Variants in RBFOX1 observed in about 807,000 individuals in gnomAD.
RBFOX1 encodes RNA binding fox-1 homolog 1.
RBFOX1 carries 8 observed loss-of-function variants against 57.7 expected under a neutral mutation model. That is an observed-to-expected ratio of 0.14 (90% confidence interval 0.08 to 0.25). The LOEUF is 0.25. Ranked by LOEUF, RBFOX1 falls within the 10% of genes least tolerant of loss-of-function variation. RBFOX1 has a pLI of 1.00. For synonymous variants in RBFOX1, 326 were observed against 222.4 expected (o/e 1.47, Z -4.15); for missense variants, 611 against 548.5 (o/e 1.11, Z -1.14).
At chr16:6,480,990 A>G (rs151188128) in intron 2 of RBFOX1, among the ~76,000 whole-genome samples, 10 of 152,306 alleles carry the variant, frequency 6.6e-5, no homozygotes, top group African/African-American at 2.4e-4. Flanking sequence ...AGCAATAGCA[A>G]TTATATCCAA....
At chr16:7,085,937 G>A (rs1355273498) in intron 4 of RBFOX1, among the ~76,000 whole-genome samples, 1 of 152,114 alleles carries the variant, frequency 6.6e-6, no homozygotes, top group Non-Finnish European at 1.5e-5. Context: ...GTGATTCATG[G>A]GCTCTAAAAT....
intron 4 of RBFOX1, among the ~76,000 whole-genome samples, chr16:7,103,302 A>G (rs1310710568): frequency 6.6e-6 from 1 of 152,168 alleles, no homozygotes; most frequent in Non-Finnish European, 1.5e-5. Flanking sequence ...GTCTCAAGTC[A>G]GTATAGCAAT....
At chr16:6,541,885 A>G (rs1293381614) in intron 2 of RBFOX1, among the ~76,000 whole-genome samples, 3 of 152,142 alleles carry the variant, frequency 2.0e-5, no homozygotes, top group Non-Finnish European at 4.4e-5. Flanking sequence ...AAGAGTTTAC[A>G]TCAGGCTCTG....
At chr16:6,557,021 AT>A (rs2097108826) in intron 2 of RBFOX1, among the ~76,000 whole-genome samples, 1 of 124,952 alleles carries the variant, frequency 8.0e-6, no homozygotes, top group African/African-American at 4.4e-5. Flanking sequence ...ATATACATAT[AT>A]ATACATATAT....
At chr16:6,839,243 C>G (rs868700122) in intron 3 of RBFOX1, among the ~76,000 whole-genome samples, 29 of 152,266 alleles carry the variant, frequency 1.9e-4, no homozygotes, top group African/African-American at 5.1e-4. Flanking sequence ...CCTCAGCCCC[C>G]CAAAGTGCTG....
intron 1 of RBFOX1, among the ~76,000 whole-genome samples, chr16:6,121,561 C>T (rs753581362): frequency 6.6e-6 from 1 of 152,184 alleles, no homozygotes; most frequent in African/African-American, 2.4e-5. Context: ...TGTGTCACTC[C>T]ATTTGCTTGT....
chr16:7,426,292 C>G (rs1021777352), intron 4 of RBFOX1, among the ~76,000 whole-genome samples: 1 of 152,190 alleles, frequency 6.6e-6, no homozygotes, highest in South Asian at 2.1e-4. Context: ...TTAATCCTTA[C>G]TAGCAATTTG....
At chr16:7,629,392 A>C (rs2060579202) in intron 10 of RBFOX1, among the ~76,000 whole-genome samples, 1 of 152,172 alleles carries the variant, frequency 6.6e-6, no homozygotes, top group Non-Finnish European at 1.5e-5. Context: ...AAGGATATAG[A>C]AAAGTTCCCT....
intron 2 of RBFOX1, among the ~76,000 whole-genome samples, chr16:6,654,136 T>A (rs1007957649): frequency 1.3e-5 from 2 of 151,646 alleles, no homozygotes; most frequent in African/African-American, 2.4e-5. Flanking sequence ...AGAGGACCAA[T>A]GAATGAATGG....
At chr16:6,080,957 A>C (rs2095992105) in intron 1 of RBFOX1, among the ~76,000 whole-genome samples, 1 of 152,202 alleles carries the variant, frequency 6.6e-6, no homozygotes, top group African/African-American at 2.4e-5. Context: ...CCACAAATCT[A>C]AATCCTAGTA....
chr16:7,681,169 T>A (rs2074632821), intron 14 of RBFOX1, among the ~76,000 whole-genome samples: 1 of 152,144 alleles, frequency 6.6e-6, no homozygotes, highest in Admixed American at 6.5e-5. Flanking sequence ...TTAAAATTAT[T>A]TAAGTGACAG....
rs146810890 is a variant in RBFOX1, at chr16:7,401,137, G to T, written c.28-117010G>T. 5.3e-5 allele frequency among the ~76,000 whole-genome samples: 8 copies of T among 152,270 alleles called. No homozygotes were observed. The East Asian group carries it at 1.5e-3, about 29-fold the overall frequency. ...TGTAATGGTATTAGAAAATCCAGAA[G>T]ATCTAAGCTGCCTGATGAAGCTATT... On this transcript the variant is annotated intron_variant, in intron 4 of 15. Transcript: ENST00000550418.
intron 3 of RBFOX1, among the ~76,000 whole-genome samples, chr16:6,941,240 CCCCTCCCATT>C (rs1415996758): frequency 8.6e-6 from 1 of 116,570 alleles, no homozygotes; most frequent in African/African-American, 2.8e-5. Flanking sequence ...CTCCCTCCAT[CCCCTCCCATT>C]CCCTCCCTCC....
intron 4 of RBFOX1, among the ~76,000 whole-genome samples, chr16:7,477,632 C>T (rs923588414): frequency 6.6e-6 from 1 of 152,190 alleles, no homozygotes; most frequent in Non-Finnish European, 1.5e-5. Flanking sequence ...CTGCTCTCAC[C>T]TTATTACGAT....
At chr16:7,531,400 G>T (rs2080038149) in intron 5 of RBFOX1, among the ~76,000 whole-genome samples, 1 of 152,304 alleles carries the variant, frequency 6.6e-6, no homozygotes, top group South Asian at 2.1e-4. Context: ...TGGACAATCA[G>T]ATTGAATTTT....
At chr16:6,170,354 C>A (rs114178011) in intron 1 of RBFOX1, among the ~76,000 whole-genome samples, 41 of 152,214 alleles carry the variant, frequency 2.7e-4, no homozygotes, top group African/African-American at 9.6e-4. Context: ...TTTTCCAATG[C>A]CTTTGACAGT....
At chr16:6,700,357 C>G (rs1373149149) in intron 3 of RBFOX1, among the ~76,000 whole-genome samples, 2 of 99,944 alleles carry the variant, frequency 2.0e-5, no homozygotes, top group African/African-American at 5.6e-5. Context: ...AAGGTTAAAA[C>G]AAAAAAAAAA....
At chr16:5,887,821 T>C (rs1323589133) in intron 4 of RBFOX1, among the ~76,000 whole-genome samples, 1 of 152,146 alleles carries the variant, frequency 6.6e-6, no homozygotes, top group Non-Finnish European at 1.5e-5. Flanking sequence ...CAGTCTTAGT[T>C]CTTTGTGCTC....
At chr16:6,882,095 C>A (rs1024222653) in intron 3 of RBFOX1, among the ~76,000 whole-genome samples, 1 of 152,170 alleles carries the variant, frequency 6.6e-6, no homozygotes, top group Non-Finnish European at 1.5e-5. Flanking sequence ...CTATTCCCTG[C>A]AGGTTAAGAT....
Sources: allele counts gnomAD v4.1 joint callset (sites outside exome capture counted in the v4.1 genomes callset), GRCh38; gene constraint gnomAD v4.1.1; transcripts MANE v1.5; gene names NCBI Gene and HGNC (gene_info 2026-07-23, HGNC 2026-07-21).